VPS8: variants seen among roughly 807,000 people sequenced by gnomAD.
The protein encoded by VPS8 is VPS8 subunit of CORVET complex, also known as vacuolar protein sorting-associated protein 8 homolog.
In VPS8, 129 loss-of-function variants were observed where a neutral mutation model predicts 216.4. That is an observed-to-expected ratio of 0.60 (90% confidence interval 0.52 to 0.69). The LOEUF (loss-of-function observed/expected upper bound fraction) is 0.69. VPS8 is among the 30% of genes least tolerant of loss of function. The pLI, the probability that VPS8 is intolerant of heterozygous loss-of-function variation, is 0.00. For synonymous variants in VPS8, 571 were observed against 565.4 expected, an observed-to-expected ratio of 1.01 and a Z score of -0.14; for missense variants, 1,531 against 1,683.5, an observed-to-expected ratio of 0.91 and a Z score of 1.59.
chr3:184,948,759 A>C (rs1560818859), intron 36 of VPS8, among the ~76,000 whole-genome samples: 2 of 152,184 alleles, frequency 1.3e-5, no homozygotes, highest in South Asian at 4.1e-4. Flanking sequence ...TAAGGGCTTC[A>C]ATGGCCCCTT....
At chr3:185,003,847 C>T (rs1267590668) in intron 45 of VPS8, among the ~76,000 whole-genome samples, 6 of 151,632 alleles carry the variant, frequency 4.0e-5, no homozygotes, top group Admixed American at 1.3e-4. Flanking sequence ...TCAGACGGGG[C>T]GGCCGGGCAG....
chr3:184,872,272 G>A (rs1026469593), intron 21 of VPS8, among the ~76,000 whole-genome samples: 1 of 151,972 alleles, frequency 6.6e-6, no homozygotes, highest in Non-Finnish European at 1.5e-5. Context: ...GGGGTGAATG[G>A]AATGAGTGTG....
At chr3:184,950,542 T>C (rs1433519018) in intron 36 of VPS8, among the ~76,000 whole-genome samples, 21 of 152,034 alleles carry the variant, frequency 1.4e-4, no homozygotes, top group Admixed American at 1.4e-3. Context: ...ACGCAATGTT[T>C]ATTTTCTTTG....
chr3:184,834,015 T>C (rs1164942357), intron 4 of VPS8, among the ~76,000 whole-genome samples: 4 of 152,176 alleles, frequency 2.6e-5, no homozygotes, highest in Admixed American at 2.6e-4. Flanking sequence ...ACAAAGTAGG[T>C]GCTCAGTAAT....
At chr3:185,040,743 C>T (rs190637330) in intron 46 of VPS8, among the ~76,000 whole-genome samples, 69 of 152,222 alleles carry the variant, frequency 4.5e-4, no homozygotes, top group Middle Eastern at 6.8e-3. Context: ...ATCAAACTCC[C>T]GATTCTGTTC....
At chr3:184,967,319 A>C (rs1049321234) in intron 39 of VPS8, among the ~76,000 whole-genome samples, 21 of 152,202 alleles carry the variant, frequency 1.4e-4, no homozygotes, top group Non-Finnish European at 7.3e-5. Flanking sequence ...AGTTATGTTT[A>C]AATGAGGTAT....
chr3:184,910,013 A>G (rs1360469561), intron 25 of VPS8, among the ~76,000 whole-genome samples: 1 of 151,404 alleles, frequency 6.6e-6, no homozygotes, highest in Non-Finnish European at 1.5e-5. Flanking sequence ...TCATTTCTGG[A>G]TGGCTGATCT....
At chr3:184,849,534 G>A (rs529790015) in intron 9 of VPS8, 19 of 251,286 alleles carry the variant, frequency 7.6e-5, no homozygotes, top group South Asian at 6.6e-4. Flanking sequence ...CCTGGATAAC[G>A]ATTTTTGCAT....
intron 21 of VPS8, among the ~76,000 whole-genome samples, chr3:184,872,052 A>T (rs1024931948): frequency 2.6e-5 from 4 of 152,170 alleles, no homozygotes; most frequent in African/African-American, 9.7e-5. Flanking sequence ...ATAACTTAGG[A>T]AGAAGACATA....
At chr3:184,895,638 C>T (rs9985410) in intron 23 of VPS8, among the ~76,000 whole-genome samples, 113 of 414 alleles carry the variant, frequency 0.27, 46 homozygotes, top group African/African-American at 0.54. Context: ...CCCCCCCCCC[C>T]CACTCTCTTT....
chr3:184,823,241 G>T lies in VPS8; in HGVS notation c.-88-1304G>T, dbSNP rs1405865383. Among the ~76,000 whole-genome samples, 8 of 152,216 alleles carry T rather than the reference G, an allele frequency of 5.3e-5. No individual in the cohort carries two copies. In the East Asian group the frequency reaches 1.5e-3, roughly 29 times the overall value. Reference sequence around the variant, plus strand: ...AAATTAGTTATTTCAAGCCAGGCATGATGGCACATGCCTGTAGTCCCAGCT... The same window carrying T: ...AAATTAGTTATTTCAAGCCAGGCATTATGGCACATGCCTGTAGTCCCAGCT... On this transcript the variant is annotated intron_variant, in intron 1 of 47. Transcript: ENST00000625842.
At chr3:184,985,121 C>T (rs1177601299) in intron 42 of VPS8, among the ~76,000 whole-genome samples, 2 of 152,020 alleles carry the variant, frequency 1.3e-5, no homozygotes, top group African/African-American at 4.8e-5. Flanking sequence ...TATATATGTA[C>T]AGAGATTTTT....
chr3:184,928,432 A>C lies in VPS8; in HGVS notation c.2632-19A>C. 1 of 1,530,698 alleles carries C rather than the reference A, an allele frequency of 6.5e-7. No individual in the cohort carries two copies. Among genetic ancestry groups the C allele is most frequent in the East Asian group, 2.6e-5 (1 of 39,076 alleles). The allele number at this position is 1,530,698 out of a possible 1,614,324, so 94.8% of individuals were successfully genotyped here. A position where few individuals can be genotyped will look rare whatever the true frequency, so the allele number is the denominator to read the frequency against. On this transcript the variant is annotated intron_variant, in intron 31 of 47. Transcript: ENST00000625842. ...AGTAAATTCTCAAGTGTTTTTACTCATTTATTGTAAATACTCAGGTCCTTT... is the reference window on the plus strand; with the variant it reads ...AGTAAATTCTCAAGTGTTTTTACTCCTTTATTGTAAATACTCAGGTCCTTT...
In VPS8 at chr3:184,971,739, A is replaced by G; in HGVS notation, c.3407A>G (p.Gln1136Arg). ...LCQRNSHNLN[Q>R]QQREALWFPL... ...CAGAGAAATTCACATAATTTGAACC[A>G]GCAGCAACGTGAGGTAGGAGAATGA... Residue 1136 changes from glutamine to arginine, a missense_variant, in exon 40 of 48, where the codon CAG becomes CGG. Physicochemically the swap from Gln to Arg is conservative, Grantham distance 43. Transcript: ENST00000625842. The G allele has an allele frequency of 6.2e-7, 1 of 1,612,944 alleles. No homozygotes were observed. Among genetic ancestry groups the G allele is most frequent in the Middle Eastern group, 1.7e-4 (1 of 6,058 alleles).
At chr3:184,913,105 G>A (rs1333105145) in intron 25 of VPS8, among the ~76,000 whole-genome samples, 1 of 152,170 alleles carries the variant, frequency 6.6e-6, no homozygotes, top group Non-Finnish European at 1.5e-5. Flanking sequence ...GGGAACAATG[G>A]CCTTTTCAGC....
intron 5 of VPS8, 110 bp downstream of exon 5, chr3:184,834,852 A>G (rs1347335856): frequency 3.8e-6 from 3 of 789,516 alleles, no homozygotes; most frequent in Non-Finnish European, 5.8e-6. Context: ...GCTTAAGAAA[A>G]ATAGAATCTG....
intron 37 of VPS8, among the ~76,000 whole-genome samples, chr3:184,960,757 A>G (rs1746371956): frequency 6.6e-6 from 1 of 152,204 alleles, no homozygotes; most frequent in Admixed American, 6.5e-5. Context: ...AAACATGTCA[A>G]AGGTTTAAAA....
chr3:184,946,720 A>G (rs1267261246), intron 36 of VPS8, among the ~76,000 whole-genome samples: 1 of 152,074 alleles, frequency 6.6e-6, no homozygotes, highest in East Asian at 1.9e-4. Flanking sequence ...CATCAGGTAC[A>G]CTACACATTG....
intron 46 of VPS8, among the ~76,000 whole-genome samples, chr3:185,046,286 C>A (rs1712882523): frequency 1.3e-5 from 2 of 152,224 alleles, no homozygotes; most frequent in Non-Finnish European, 1.5e-5. Context: ...TAGACGGAAA[C>A]TGTTACTTAT....
Sources: allele counts gnomAD v4.1 joint callset (sites outside exome capture counted in the v4.1 genomes callset), GRCh38; gene constraint gnomAD v4.1.1; transcripts MANE v1.5; gene names NCBI Gene and HGNC (gene_info 2026-07-23, HGNC 2026-07-21).